The following AKAP6 variants were observed in gnomAD, a reference collection of about 807,000 sequenced individuals.
AKAP6 encodes A-kinase anchor protein 6.
Under a neutral mutation model 188.5 loss-of-function variants are expected in AKAP6, and 58 were observed. That is an observed-to-expected ratio of 0.31 (90% confidence interval 0.25 to 0.38). The LOEUF (loss-of-function observed/expected upper bound fraction) is 0.38, where lower values mean the gene tolerates loss of function less well. Ranked by LOEUF, AKAP6 falls within the 10% of genes least tolerant of loss-of-function variation. The pLI, the probability that AKAP6 is intolerant of heterozygous loss-of-function variation, is 1.00. For missense variants in AKAP6, 2,710 were observed against 2,740.0 expected, an observed-to-expected ratio of 0.99 and a Z score of 0.24; for synonymous variants, 989 against 998.6, an observed-to-expected ratio of 0.99 and a Z score of 0.18.
At chr14:32,705,896 C>T (rs562485214) in intron 9 of AKAP6, among the ~76,000 whole-genome samples, 29 of 152,190 alleles carry the variant, frequency 1.9e-4, no homozygotes, top group Admixed American at 6.5e-4. Flanking sequence ...GGAGCTCTAG[C>T]GGGTCTCACT....
At chr14:32,506,665 T>C (rs1426748023) in intron 2 of AKAP6, among the ~76,000 whole-genome samples, 2 of 152,082 alleles carry the variant, frequency 1.3e-5, no homozygotes, top group Non-Finnish European at 2.9e-5. Context: ...TTGTCATAGT[T>C]GGGATTACAG....
At chr14:32,721,361 T>C (rs1292503189) in intron 9 of AKAP6, among the ~76,000 whole-genome samples, 1 of 152,216 alleles carries the variant, frequency 6.6e-6, no homozygotes, top group Non-Finnish European at 1.5e-5. Context: ...AGAAAGTCTG[T>C]ATTGATGAAG....
chr14:32,399,801 CT>C (rs368955110), intron 1 of AKAP6, among the ~76,000 whole-genome samples: 45 of 152,204 alleles, frequency 3.0e-4, no homozygotes, highest in African/African-American at 8.9e-4. Context: ...CCCTTTTAGA[CT>C]TATAATAATA....
rs1208723478 is a variant in AKAP6 at position 32,773,837 on chromosome 14, G to A, written c.3532G>A (p.Val1178Ile). ...TCTTGAAAGAAGGTGGGAAGCCATTGTCATGCAAGCCGTCCAGTGGCAAAC... is the reference window on the plus strand; with the variant it reads ...TCTTGAAAGAAGGTGGGAAGCCATTATCATGCAAGCCGTCCAGTGGCAAAC... Reference protein sequence around the residue: ...VNLERRWEAIVMQAVQWQTRL... With the variant: ...VNLERRWEAIIMQAVQWQTRL... The change falls in exon 12 of 14, where the codon GTC becomes ATC. Residue 1178 changes from valine (V) to isoleucine (I), a missense_variant. Transcript: ENST00000280979. 6.2e-7 allele frequency: 1 copy of A among 1,614,128 alleles called. No homozygotes were observed. The highest frequency in any genetic ancestry group is 1.1e-5 in the South Asian group (1 of 91,080).
rs540023238 is a variant in AKAP6 at position 32,653,945 on chromosome 14, C to G, written c.2731-24366C>G. On this transcript the variant is annotated intron_variant, in intron 7 of 13. Transcript: ENST00000280979. The stretch of plus-strand genomic sequence containing the variant: ...TTCTGAGTTTCTGCGTATTAAAAAC[C>G]TATACAGACTCATAGTAGCAAATCA... 1.2e-4 allele frequency among the ~76,000 whole-genome samples: 19 copies of G among 152,120 alleles called. No individual in the cohort carries two copies. The South Asian group carries it at 3.9e-3, about 32-fold the overall frequency.
At chr14:32,435,293 G>A (rs1445022078) in intron 2 of AKAP6, among the ~76,000 whole-genome samples, 2 of 152,056 alleles carry the variant, frequency 1.3e-5, no homozygotes, top group African/African-American at 2.4e-5. Flanking sequence ...AGAAAAGGTG[G>A]GGACAATAAA....
intron 1 of AKAP6, among the ~76,000 whole-genome samples, chr14:32,354,796 G>A (rs1048441611): frequency 6.6e-6 from 1 of 152,166 alleles, no homozygotes; most frequent in African/African-American, 2.4e-5. Flanking sequence ...CTGTCATAAG[G>A]TTGCCAGTAG....
At chr14:32,751,052 C>T (rs1248518319) in intron 11 of AKAP6, among the ~76,000 whole-genome samples, 2 of 152,012 alleles carry the variant, frequency 1.3e-5, no homozygotes, top group African/African-American at 2.4e-5. Flanking sequence ...CTTTATACTG[C>T]ACTCTAGCCT....
chr14:32,693,809 G>A (rs1890279867), intron 8 of AKAP6: 1 of 151,978 alleles, frequency 6.6e-6, no homozygotes, highest in Non-Finnish European at 1.5e-5. Flanking sequence ...TTTTCTGTCT[G>A]TATGATTAAA....
At chr14:32,730,998 A>G (rs1353522882) in intron 9 of AKAP6, among the ~76,000 whole-genome samples, 1 of 152,186 alleles carries the variant, frequency 6.6e-6, no homozygotes, top group Non-Finnish European at 1.5e-5. Flanking sequence ...GCCAGATTCT[A>G]AAAGCGCTCT....
At chr14:32,510,477 C>A (rs1442080045) in intron 2 of AKAP6, among the ~76,000 whole-genome samples, 1 of 72,922 alleles carries the variant, frequency 1.4e-5, no homozygotes, top group African/African-American at 6.2e-5. Context: ...TATATATATA[C>A]ATATATATAT....
Position 32,822,005 on chromosome 14 carries a change from C to G in AKAP6, c.4192C>G (p.Leu1398Val), listed in dbSNP as rs2034535656. 6.2e-7 allele frequency: 1 copy of G among 1,613,982 alleles called. No individual in the cohort carries two copies. The highest frequency in any genetic ancestry group is 8.5e-7 in the Non-Finnish European group (1 of 1,179,950). Residue 1398 changes from leucine to valine, a missense_variant, in exon 13 of 14, where the codon CTG becomes GTG. Physicochemically the swap from Leu to Val is conservative, Grantham distance 32. Coordinates refer to ENST00000280979, the MANE Select transcript of AKAP6 (RefSeq NM_004274.5). ...GSPSNLETEH[L>V]DPQMGDAVNV... Reference sequence around the variant, plus strand: ...CCCAAGTAACCTTGAAACTGAACATCTGGACCCACAAATGGGAGATGCAGT... The same window carrying G: ...CCCAAGTAACCTTGAAACTGAACATGTGGACCCACAAATGGGAGATGCAGT...
At chr14:32,469,380 T>C (rs1388234254) in intron 2 of AKAP6, among the ~76,000 whole-genome samples, 5 of 152,256 alleles carry the variant, frequency 3.3e-5, no homozygotes, top group Middle Eastern at 3.4e-3. Flanking sequence ...AGTTTATACA[T>C]TTAAAAAAAG....
intron 1 of AKAP6, among the ~76,000 whole-genome samples, chr14:32,377,734 A>G (rs542030840): frequency 2.0e-5 from 3 of 152,352 alleles, no homozygotes; most frequent in Admixed American, 6.5e-5. Context: ...TTGTGAGTTC[A>G]GAGGGCTCTG....
chr14:32,548,561 G>A (rs1407808636), intron 4 of AKAP6, among the ~76,000 whole-genome samples: 1 of 151,890 alleles, frequency 6.6e-6, no homozygotes. Flanking sequence ...TAGATAGATA[G>A]ATAGATAGAT....
intron 7 of AKAP6, among the ~76,000 whole-genome samples, chr14:32,633,147 C>A (rs976926786): frequency 3.3e-5 from 5 of 152,022 alleles, no homozygotes; most frequent in Non-Finnish European, 7.4e-5. Flanking sequence ...CTCATCAATT[C>A]ATATAAACTG....
rs572782856 is a variant in AKAP6 at position 32,823,791 on chromosome 14, T to G, written c.5978T>G (p.Phe1993Cys). ...TCAGAACTGGCTTTAGAAACCAGGT[T>G]TAACAACAGACAAGACTCTGATGCA... ...SFSELALETR[F>C]NNRQDSDALK... The change falls in exon 13 of 14, where the codon TTT becomes TGT. Residue 1993 changes from phenylalanine to cysteine, a missense_variant. Phe to Cys is a radical substitution (Grantham distance 205, BLOSUM62 -2). Transcript: ENST00000280979. 2.5e-6 allele frequency: 4 copies of G among 1,613,546 alleles called. No homozygotes were observed. The South Asian group carries it at 3.3e-5, about 13-fold the overall frequency.
In AKAP6 at chr14:32,568,619, C is replaced by G. The variant is rs1280503724; in HGVS notation, c.2347-8501C>G. Among the ~76,000 whole-genome samples, 2 of 152,150 alleles carry G rather than the reference C, an allele frequency of 1.3e-5. No homozygotes were observed. Among genetic ancestry groups the G allele is most frequent in the Non-Finnish European group, 2.9e-5 (2 of 68,034 alleles). On this transcript the variant is annotated intron_variant, in intron 4 of 13. Coordinates refer to ENST00000280979, the MANE Select transcript of AKAP6 (RefSeq NM_004274.5). This position sits in a 1 kb window ranked among gnomAD's most constrained non-coding sequence, Gnocchi z 6.2. ...GGATTGGGGGTGCTTGAAGCAAGGT[C>G]TCACCTAGAGCAAGTCTGCCAAGCT...
chr14:32,400,506 C>T (rs1889047719), intron 1 of AKAP6, among the ~76,000 whole-genome samples: 1 of 125,272 alleles, frequency 8.0e-6, no homozygotes, highest in Non-Finnish European at 1.6e-5. Flanking sequence ...ATATTTTATG[C>T]AGCATTTCCA....
Sources: allele counts gnomAD v4.1 joint callset (sites outside exome capture counted in the v4.1 genomes callset), GRCh38; gene constraint gnomAD v4.1.1; non-coding constraint Gnocchi (gnomAD v3.1); transcripts MANE v1.5; gene names NCBI Gene and HGNC (gene_info 2026-07-23, HGNC 2026-07-21).